PNPT1: variants seen among roughly 807,000 people sequenced by gnomAD.
PNPT1 encodes polyribonucleotide nucleotidyltransferase 1, mitochondrial.
In PNPT1, 53 loss-of-function variants were observed where a neutral mutation model predicts 119.5. The observed-to-expected ratio is 0.44, with a 90% CI of 0.36 to 0.56. PNPT1 has a LOEUF of 0.56. Among genes scored for constraint, PNPT1 ranks in the 20% least tolerant of loss-of-function variants. PNPT1 has a pLI of 0.00. For missense variants in PNPT1, 948 were observed against 938.5 expected (o/e 1.01, Z -0.13); for synonymous variants, 357 against 322.1 (o/e 1.11, Z -1.16).
At chr2:55,636,500 A>C (rs1176337482) in intron 27 of PNPT1, 108 bp from the exon 28 acceptor site, 1 of 1,174,082 alleles carries the variant, frequency 8.5e-7, no homozygotes, top group African/African-American at 1.5e-5. Flanking sequence ...GATTGTTTTT[A>C]CTTGTTCACT....
In PNPT1 at chr2:55,643,399, C is replaced by A; in HGVS notation, c.1933G>T (p.Glu645Ter). ...GTTGGTGCAAATACAGAAAACGTTT[C>A]TTCATCCACCTGACTAATAGTTACA... is the stretch of plus-strand genomic sequence containing the variant. ...TGVTISQVDE[E>*]TFSVFAPTPS... is the part of the protein sequence containing the mutation. The change falls in exon 24 of 28, where the codon GAA becomes TAA. Residue 645 changes from glutamate to a stop codon, truncating the protein, a stop_gained. Transcript: ENST00000447944. LOFTEE classifies it high-confidence loss of function. 6.2e-7 allele frequency: 1 copy of A among 1,614,004 alleles called. No individual in the cohort carries two copies. Among genetic ancestry groups the A allele is most frequent in the Non-Finnish European group, 8.5e-7 (1 of 1,180,014 alleles).
chr2:55,644,551 T>C (rs112036933), intron 23 of PNPT1, 86 bp downstream of exon 23: 8 of 919,154 alleles, frequency 8.7e-6, no homozygotes, highest in African/African-American at 1.7e-5. Context: ...TAAATATATA[T>C]TTAAAGCAAC....
At chr2:55,680,808 A>T (rs1480058300) in intron 6 of PNPT1, 47 bp downstream of exon 6, 1 of 1,611,274 alleles carries the variant, frequency 6.2e-7, no homozygotes, top group South Asian at 1.1e-5. Context: ...TCATTGCTTT[A>T]AAAAAATTTT....
At chr2:55,656,098 T>G (rs1034578244) in intron 17 of PNPT1, 33 bp downstream of exon 17, 2 of 1,595,132 alleles carry the variant, frequency 1.3e-6, no homozygotes, top group African/African-American at 1.4e-5. Flanking sequence ...ATATGGTCTT[T>G]TCTACTATGA....
At chr2:55,657,292 G>A (rs1696415861) in intron 15 of PNPT1, among the ~76,000 whole-genome samples, 1 of 151,628 alleles carries the variant, frequency 6.6e-6, no homozygotes. Context: ...CTGCACCACT[G>A]CACTTCAGCC....
chr2:55,682,287 AT>A (rs1194680565), intron 5 of PNPT1, among the ~76,000 whole-genome samples: 1 of 150,746 alleles, frequency 6.6e-6, no homozygotes, highest in Non-Finnish European at 1.5e-5. Flanking sequence ...GCAAAACCCC[AT>A]CTCTATTAAA....
chr2:55,654,494 T>C (rs1318637813), intron 18 of PNPT1, among the ~76,000 whole-genome samples: 1 of 152,184 alleles, frequency 6.6e-6, no homozygotes, highest in African/African-American at 2.4e-5. Context: ...ATTCTGGAGC[T>C]CTCTACCTTT....
chr2:55,670,957 C>A (rs1026608917), intron 11 of PNPT1, among the ~76,000 whole-genome samples: 4 of 120,030 alleles, frequency 3.3e-5, no homozygotes, highest in South Asian at 5.4e-4. Flanking sequence ...TATTTGAGAT[C>A]TTCAACTAAA....
intron 18 of PNPT1, among the ~76,000 whole-genome samples, chr2:55,650,760 A>G (rs1020690279): frequency 4.9e-5 from 6 of 121,746 alleles, no homozygotes; most frequent in Non-Finnish European, 6.8e-5. Flanking sequence ...GCAACCGCCC[A>G]GTCTGAGAAG....
chr2:55,644,493 C>T, intron 23 of PNPT1, 144 bp downstream of exon 23: 1 of 485,040 alleles, frequency 2.1e-6, no homozygotes, highest in Non-Finnish European at 3.5e-6. Flanking sequence ...AACTCACAGT[C>T]AAGACACGTC....
chr2:55,666,395 A>C (rs771908281), intron 13 of PNPT1, among the ~76,000 whole-genome samples: 1 of 152,204 alleles, frequency 6.6e-6, no homozygotes, highest in Non-Finnish European at 1.5e-5. Context: ...AAGTGCTGGA[A>C]TTACAAGAGT....
intron 22 of PNPT1, chr2:55,644,984 A>T (rs901037224): frequency 2.4e-5 from 8 of 333,308 alleles, no homozygotes; most frequent in African/African-American, 1.7e-4. Context: ...AGTAATATTC[A>T]TTCATATATT....
chr2:55,667,320 C>T (rs758127999), intron 12 of PNPT1, among the ~76,000 whole-genome samples: 5 of 152,126 alleles, frequency 3.3e-5, no homozygotes, highest in South Asian at 4.1e-4. Flanking sequence ...GTAGGCCGGG[C>T]GCGGTGGCTC....
At chr2:55,654,240 G>C (rs1396954509) in intron 18 of PNPT1, among the ~76,000 whole-genome samples, 1 of 140,520 alleles carries the variant, frequency 7.1e-6, no homozygotes, top group African/African-American at 2.6e-5. Flanking sequence ...CTGGACAACA[G>C]AGCGAGACTC....
intron 13 of PNPT1, among the ~76,000 whole-genome samples, chr2:55,665,116 C>T (rs746652273): frequency 4.6e-5 from 7 of 152,032 alleles, no homozygotes; most frequent in South Asian, 2.1e-4. Flanking sequence ...AGAAAATTCA[C>T]GTAACAATGA....
Position 55,672,093 on chromosome 2 carries a change from A to T in PNPT1, c.867-47T>A, listed in dbSNP as rs782631. The stretch of plus-strand genomic sequence containing the variant: ...GTTAGCATAATAATATCTGGAAACA[A>T]GAGGCAGTTTCTATTATAAACAAAA... On this transcript the variant is annotated intron_variant, in intron 9 of 27. Coordinates refer to ENST00000447944, the MANE Select transcript of PNPT1 (RefSeq NM_033109.5). 1,292,513 of 1,399,528 alleles carry T rather than the reference A, an allele frequency of 0.92. 601,109 individuals are homozygous for T. The highest frequency in any genetic ancestry group is 0.96 in the African/African-American group (65,965 of 68,394). 86.7% of individuals were successfully genotyped at this position (1,399,528 alleles called of 1,614,324 possible).
chr2:55,657,307 GAACAGAGACCCTTTTTTTAA>G (rs1053371638), intron 15 of PNPT1, among the ~76,000 whole-genome samples: 6 of 151,588 alleles, frequency 4.0e-5, no homozygotes, highest in Non-Finnish European at 7.4e-5. Flanking sequence ...TCAGCCTGTG[GAACAGAGACCCTTTTTTTAA>G]AACAGAAAAA....
chr2:55,691,878 A>ATATATATATTTTTTTTTT (rs1326804958), intron 1 of PNPT1, among the ~76,000 whole-genome samples: 21 of 33,050 alleles, frequency 6.4e-4, no homozygotes, highest in Non-Finnish European at 1.1e-3. Flanking sequence ...ATATATATAT[A>ATATATATATTTTTTTTTT]TTTTTTTTTT....
chr2:55,665,551 A>T (rs983477594), intron 13 of PNPT1, among the ~76,000 whole-genome samples: 3 of 152,198 alleles, frequency 2.0e-5, no homozygotes, highest in South Asian at 2.1e-4. Context: ...AAACCATATT[A>T]AAAAAAGAAA....
Sources: gnomAD v4.1 joint callset for allele counts (sites outside exome capture counted in the v4.1 genomes callset) on GRCh38, gnomAD v4.1.1 for gene constraint, MANE v1.5 for transcripts, NCBI Gene and HGNC (gene_info 2026-07-23, HGNC 2026-07-21) for gene names.